BMP5: variants seen among roughly 807,000 people sequenced by gnomAD.
The protein encoded by BMP5 is bone morphogenetic protein 5.
In BMP5, 23 loss-of-function variants were observed where a neutral mutation model predicts 46.6. The observed-to-expected ratio is 0.49, with a 90% confidence interval of 0.35 to 0.70. The LOEUF (loss-of-function observed/expected upper bound fraction) is 0.70, where lower values mean the gene tolerates loss of function less well. Among genes scored for constraint, BMP5 ranks in the 30% least tolerant of loss-of-function variants. The probability of loss-of-function intolerance (pLI) is 0.00; values close to 1 mark genes in which losing one functional copy is unlikely to be tolerated. For synonymous variants in BMP5, 204 were observed against 191.9 expected (o/e 1.06, Z -0.52); for missense variants, 545 against 565.6 (o/e 0.96, Z 0.37).
chr6:55,779,093 G>T (rs1257951202), intron 3 of BMP5, among the ~76,000 whole-genome samples: 3 of 152,054 alleles, frequency 2.0e-5, no homozygotes, highest in Non-Finnish European at 4.4e-5. Flanking sequence ...TATTAAAGGA[G>T]ATTCTGACAT....
chr6:55,820,835 A>AG (rs1776394150), intron 1 of BMP5, among the ~76,000 whole-genome samples: 1 of 152,144 alleles, frequency 6.6e-6, no homozygotes, highest in Non-Finnish European at 1.5e-5. Flanking sequence ...CAGAATTGAG[A>AG]GGGGAACATA....
chr6:55,835,952 T>A (rs1311146813), intron 1 of BMP5, among the ~76,000 whole-genome samples: 2 of 152,220 alleles, frequency 1.3e-5, no homozygotes, highest in Non-Finnish European at 2.9e-5. Flanking sequence ...TCTATACCAC[T>A]GTATGTTTTC....
chr6:55,829,141 A>C (rs1278848974), intron 1 of BMP5, among the ~76,000 whole-genome samples: 1 of 151,870 alleles, frequency 6.6e-6, no homozygotes, highest in African/African-American at 2.4e-5. Context: ...TGTTCTGTTT[A>C]GGCAAGAACT....
chr6:55,805,237 T>G (rs1562046544), intron 2 of BMP5, among the ~76,000 whole-genome samples: 1 of 152,202 alleles, frequency 6.6e-6, no homozygotes, highest in South Asian at 2.1e-4. Flanking sequence ...TTGATTTTAT[T>G]TATTTAATTA....
chr6:55,805,882 T>C (rs1167351692), intron 2 of BMP5, among the ~76,000 whole-genome samples: 1 of 152,248 alleles, frequency 6.6e-6, no homozygotes, highest in Non-Finnish European at 1.5e-5. Flanking sequence ...GAGAAGTGTC[T>C]GTTCATATCC....
At position 55,856,226 on chromosome 6, in the gene BMP5, T is replaced by C. The variant is rs182472165; in HGVS notation, c.490+18150A>G. 2.8e-3 allele frequency among the ~76,000 whole-genome samples: 420 copies of C among 152,324 alleles called. 2 individuals carry two copies. Among genetic ancestry groups the C allele is most frequent in the Non-Finnish European group, 4.5e-3 (306 of 68,016 alleles). On this transcript the variant is annotated intron_variant, in intron 1 of 6. Coordinates refer to ENST00000370830, the MANE Select transcript of BMP5 (RefSeq NM_021073.4). ...AGCATTATCAATTGTTCTCCCCTTTTAATGTTGCCAAGAAGTCTAATTCAA... is the reference window on the plus strand; with the variant it reads ...AGCATTATCAATTGTTCTCCCCTTTCAATGTTGCCAAGAAGTCTAATTCAA...
intron 1 of BMP5, among the ~76,000 whole-genome samples, chr6:55,836,629 C>CAT (rs1490138218): frequency 6.1e-5 from 8 of 131,622 alleles, no homozygotes; most frequent in Non-Finnish European, 9.8e-5. Flanking sequence ...CACATACATA[C>CAT]ATACACACAC....
At chr6:55,779,953 G>C (rs1039576060) in intron 3 of BMP5, among the ~76,000 whole-genome samples, 6 of 151,896 alleles carry the variant, frequency 4.0e-5, no homozygotes, top group African/African-American at 1.4e-4. Flanking sequence ...TAACTGTAGA[G>C]AACAGGATAA....
At chr6:55,773,013 T>G in intron 4 of BMP5, 1 of 714,502 alleles carries the variant, frequency 1.4e-6, no homozygotes, top group Non-Finnish European at 1.7e-6. Context: ...CCTGTCATTT[T>G]CAAGTAACCT....
rs1777793665 is a variant in BMP5, at chr6:55,871,810, T to C, written c.490+2566A>G. Reference sequence around the variant, plus strand: ...ATATAATTCTTCTAATTATGGGAAATGTCAACAGATTCTTTTCACATATTT... The same window carrying C: ...ATATAATTCTTCTAATTATGGGAAACGTCAACAGATTCTTTTCACATATTT... On this transcript the variant is annotated intron_variant, in intron 1 of 6. Coordinates refer to ENST00000370830, the MANE Select transcript of BMP5 (RefSeq NM_021073.4). Among the ~76,000 whole-genome samples, 3 of 151,926 alleles carry C rather than the reference T, an allele frequency of 2.0e-5. No homozygotes were observed. In the East Asian group the frequency reaches 5.8e-4, roughly 29 times the overall value.
In BMP5 at chr6:55,855,145, G is replaced by A. The variant is rs6925870; in HGVS notation, c.490+19231C>T. Among the ~76,000 whole-genome samples the A allele has an allele frequency of 7.2e-3, 1,098 of 152,178 alleles. 18 individuals are homozygous for A. Among genetic ancestry groups the A allele is most frequent in the African/African-American group, 0.025 (1,040 of 41,558 alleles). On this transcript the variant is annotated intron_variant, in intron 1 of 6. Transcript: ENST00000370830. Reference sequence around the variant, plus strand: ...TCTCATTCCTGGGACATCTCGATAAGATTTTTAATGAGGTGCGTGGGGCAT... The same window carrying A: ...TCTCATTCCTGGGACATCTCGATAAAATTTTTAATGAGGTGCGTGGGGCAT...
intron 3 of BMP5, among the ~76,000 whole-genome samples, chr6:55,784,638 CAAAA>C (rs1775403985): frequency 6.6e-6 from 1 of 151,388 alleles, no homozygotes; most frequent in South Asian, 2.1e-4. Flanking sequence ...CACAAAGAGA[CAAAA>C]GAAAAGGTTG....
Position 55,875,072 on chromosome 6 carries a change from T to C in BMP5, c.-207A>G, listed in dbSNP as rs1011892489. On this transcript the variant is annotated 5_prime_UTR_variant, in exon 1 of 7. Transcript: ENST00000370830. Reference sequence around the variant, plus strand: ...TTTTGGAATATGTCAAGAGTAGTTATTTCTAAGAAAGCTGAAACTCAGATT... The same window carrying C: ...TTTTGGAATATGTCAAGAGTAGTTACTTCTAAGAAAGCTGAAACTCAGATT... The C allele has an allele frequency of 2.7e-5, 15 of 554,840 alleles. No homozygotes were observed. The highest frequency in any genetic ancestry group is 2.7e-4 in the South Asian group (12 of 44,634). 34.4% of individuals were successfully genotyped at this position (554,840 alleles called of 1,614,324 possible).
intron 1 of BMP5, among the ~76,000 whole-genome samples, chr6:55,830,295 G>A (rs1776634173): frequency 6.6e-6 from 1 of 152,026 alleles, no homozygotes; most frequent in South Asian, 2.1e-4. Context: ...TATTGAATGA[G>A]ACCACACTGT....
intron 1 of BMP5, among the ~76,000 whole-genome samples, chr6:55,820,721 T>C (rs907303176): frequency 1.2e-4 from 13 of 107,922 alleles, no homozygotes; most frequent in African/African-American, 5.4e-4. Flanking sequence ...CCCCGTGTTG[T>C]TTGTTTGTTT....
intron 2 of BMP5, among the ~76,000 whole-genome samples, chr6:55,806,197 T>C (rs893444492): frequency 1.3e-5 from 2 of 152,216 alleles, no homozygotes; most frequent in Non-Finnish European, 2.9e-5. Flanking sequence ...TTTTTATGAT[T>C]TGGGGCTTTA....
chr6:55,837,066 TC>T (rs528794694), intron 1 of BMP5, among the ~76,000 whole-genome samples: 3,190 of 151,686 alleles, frequency 0.021, 114 homozygotes, highest in African/African-American at 0.073. Context: ...TTTTTTTTTT[TC>T]CTGAGAAAGA....
chr6:55,777,270 A>T (rs1028104916), intron 3 of BMP5, among the ~76,000 whole-genome samples: 4 of 150,306 alleles, frequency 2.7e-5, no homozygotes, highest in South Asian at 2.1e-4. Flanking sequence ...CGTATGTATT[A>T]AAAAAAAAGT....
intron 1 of BMP5, among the ~76,000 whole-genome samples, chr6:55,865,203 A>T (rs1777611339): frequency 6.6e-6 from 1 of 152,110 alleles, no homozygotes; most frequent in Non-Finnish European, 1.5e-5. Context: ...TTATGAAAAT[A>T]AGCATTAAAA....
Sources: allele counts gnomAD v4.1 joint callset (sites outside exome capture counted in the v4.1 genomes callset), GRCh38; gene constraint gnomAD v4.1.1; transcripts MANE v1.5; gene names NCBI Gene and HGNC (gene_info 2026-07-23, HGNC 2026-07-21).